Variants in TENM3 observed in about 807,000 individuals in gnomAD.
The protein encoded by TENM3 is teneurin transmembrane protein 3.
A neutral mutation model predicts 255.1 loss-of-function variants in TENM3; 63 were observed. The observed-to-expected ratio is 0.25, with a 90% CI of 0.20 to 0.30. TENM3 has a LOEUF of 0.30. Among genes scored for constraint, TENM3 ranks in the 10% least tolerant of loss-of-function variants. The probability of loss-of-function intolerance (pLI) is 1.00; values close to 1 mark genes in which losing one functional copy is unlikely to be tolerated. For synonymous variants in TENM3, 1,306 were observed against 1,322.3 expected, an observed-to-expected ratio of 0.99 and a Z score of 0.27; for missense variants, 2,929 against 3,461.1, an observed-to-expected ratio of 0.85 and a Z score of 3.86.
chr4:181,941,918 G>A, the TENM3 span, among the ~76,000 whole-genome samples: 1 of 152,180 alleles, frequency 6.6e-6, no homozygotes, highest in African/African-American at 2.4e-5. Context: ...TCTGCATGTT[G>A]AAGAGGCTTG....
the TENM3 span, among the ~76,000 whole-genome samples, chr4:182,053,414 T>C: frequency 1.3e-5 from 2 of 152,184 alleles, no homozygotes; most frequent in African/African-American, 4.8e-5. Flanking sequence ...GCTTGCCCAG[T>C]GAAACATGGA....
At chr4:182,015,811 G>C in the TENM3 span, among the ~76,000 whole-genome samples, 2 of 151,938 alleles carry the variant, frequency 1.3e-5, no homozygotes, top group South Asian at 4.2e-4. Flanking sequence ...CACCTGTCTC[G>C]GCTGGGATTA....
chr4:182,744,930 A>G (rs906333141), intron 19 of TENM3, among the ~76,000 whole-genome samples: 3 of 152,080 alleles, frequency 2.0e-5, no homozygotes, highest in South Asian at 2.1e-4. Context: ...TGATTGAAAA[A>G]CTTTGCTCGG....
the TENM3 span, among the ~76,000 whole-genome samples, chr4:181,898,261 T>TACACAC: frequency 8.1e-4 from 122 of 149,976 alleles, 3 homozygotes; most frequent in South Asian, 0.02. Context: ...CATCTGCAGC[T>TACACAC]ACACACACAC....
At chr4:182,019,955 G>A in the TENM3 span, among the ~76,000 whole-genome samples, 13 of 152,044 alleles carry the variant, frequency 8.6e-5, no homozygotes, top group African/African-American at 2.9e-4. Flanking sequence ...GATTACAGAC[G>A]TGAGCCACTG....
the TENM3 span, among the ~76,000 whole-genome samples, chr4:181,627,065 G>A: frequency 6.6e-6 from 1 of 152,172 alleles, no homozygotes; most frequent in Admixed American, 6.5e-5. Flanking sequence ...GATCTTATCT[G>A]ACTCTAGTGG....
the TENM3 span, among the ~76,000 whole-genome samples, chr4:181,907,516 A>C: frequency 5.9e-5 from 9 of 152,220 alleles, no homozygotes; most frequent in Non-Finnish European, 1.2e-4. Flanking sequence ...ATGTCAGCCC[A>C]CAGACACCGT....
chr4:182,655,639 A>G (rs1230797715), intron 6 of TENM3, among the ~76,000 whole-genome samples: 1 of 152,168 alleles, frequency 6.6e-6, no homozygotes, highest in African/African-American at 2.4e-5. Flanking sequence ...AGAAAATTTT[A>G]GGGCAGCTGT....
At chr4:182,387,164 GT>G (rs998303141) in intron 3 of TENM3, among the ~76,000 whole-genome samples, 1 of 152,166 alleles carries the variant, frequency 6.6e-6, no homozygotes, top group Non-Finnish European at 1.5e-5. Context: ...GAACCTTTAT[GT>G]CTACCTCAGG....
rs1191377399 is a variant in TENM3 at position 182,558,795 on chromosome 4, A to G, written c.512-42129A>G. Among the ~76,000 whole-genome samples, 3 of 152,136 alleles carry G rather than the reference A, an allele frequency of 2.0e-5. No individual in the cohort carries two copies. In the East Asian group the frequency reaches 5.8e-4, roughly 29 times the overall value. On this transcript the variant is annotated intron_variant, in intron 3 of 27. Coordinates refer to ENST00000511685, the MANE Select transcript of TENM3 (RefSeq NM_001080477.4). Reference sequence around the variant, plus strand: ...TGTCATTAGATATAAATCAGTTTTTATGCTTCTTCCAGAGAAGCTTTAAAG... The same window carrying G: ...TGTCATTAGATATAAATCAGTTTTTGTGCTTCTTCCAGAGAAGCTTTAAAG...
At chr4:182,101,576 A>G in the TENM3 span, among the ~76,000 whole-genome samples, 2 of 152,126 alleles carry the variant, frequency 1.3e-5, no homozygotes, top group Non-Finnish European at 2.9e-5. Context: ...TTGAACTCAT[A>G]GAAGTAGTGA....
the TENM3 span, among the ~76,000 whole-genome samples, chr4:181,478,783 T>A: frequency 6.6e-6 from 1 of 152,210 alleles, no homozygotes; most frequent in Non-Finnish European, 1.5e-5. Flanking sequence ...CCATTCCACA[T>A]GTCCTTTTCT....
At chr4:182,235,317 A>T (rs1561225999) in intron 1 of TENM3, among the ~76,000 whole-genome samples, 1 of 152,208 alleles carries the variant, frequency 6.6e-6, no homozygotes. Context: ...GTGATCTCAG[A>T]TATCTCAAAA....
intron 7 of TENM3, among the ~76,000 whole-genome samples, chr4:182,677,134 CAA>C (rs1221624689): frequency 6.6e-6 from 1 of 152,106 alleles, no homozygotes; most frequent in Non-Finnish European, 1.5e-5. Flanking sequence ...TAATTTTGGG[CAA>C]AGATGGTTTT....
At chr4:181,996,002 G>T in the TENM3 span, among the ~76,000 whole-genome samples, 1 of 151,920 alleles carries the variant, frequency 6.6e-6, no homozygotes, top group East Asian at 1.9e-4. Context: ...CTCTAAAATA[G>T]GCTCCCCTCC....
At chr4:182,706,928 C>T (rs2152657300) in intron 12 of TENM3, among the ~76,000 whole-genome samples, 1 of 150,538 alleles carries the variant, frequency 6.6e-6, no homozygotes, top group Admixed American at 6.6e-5. Flanking sequence ...CAGCGCACTC[C>T]AGCCTGGGTG....
chr4:181,662,998 G>T, the TENM3 span, among the ~76,000 whole-genome samples: 3 of 152,114 alleles, frequency 2.0e-5, no homozygotes, highest in Middle Eastern at 3.2e-3. Context: ...CTTAGAACTT[G>T]CACACTACTG....
chr4:182,353,427 T>A (rs565128941), intron 3 of TENM3, among the ~76,000 whole-genome samples: 1 of 152,338 alleles, frequency 6.6e-6, no homozygotes, highest in African/African-American at 2.4e-5. Flanking sequence ...TGCACTAGAA[T>A]GTCAAAAATA....
At chr4:181,500,446 A>G in the TENM3 span, among the ~76,000 whole-genome samples, 1 of 152,064 alleles carries the variant, frequency 6.6e-6, no homozygotes, top group Admixed American at 6.6e-5. Context: ...CTTTCAAGTC[A>G]CTGTGTATTT....
Sources: allele counts gnomAD v4.1 joint callset (sites outside exome capture counted in the v4.1 genomes callset), GRCh38; gene constraint gnomAD v4.1.1; transcripts MANE v1.5; gene names NCBI Gene and HGNC (gene_info 2026-07-23, HGNC 2026-07-21).